RIC8B: variants seen among roughly 807,000 people sequenced by gnomAD.
RIC8B encodes the protein chaperone Ric-8B.
A neutral mutation model predicts 57.5 loss-of-function variants in RIC8B; 16 were observed. That is an observed-to-expected ratio of 0.28 (90% CI 0.19 to 0.42). RIC8B has a LOEUF of 0.42. Among genes scored for constraint, RIC8B ranks in the 10% least tolerant of loss-of-function variants. The pLI is 1.00. For missense variants in RIC8B, 481 were observed against 677.0 expected, an observed-to-expected ratio of 0.71 and a Z score of 3.21; for synonymous variants, 216 against 250.8, an observed-to-expected ratio of 0.86 and a Z score of 1.31.
chr12:106,872,660 ACT>A (rs1174545013), intron 9 of RIC8B, among the ~76,000 whole-genome samples: 3 of 128,668 alleles, frequency 2.3e-5, no homozygotes, highest in East Asian at 4.4e-4. Flanking sequence ...CAAGAGCAAA[ACT>A]CTGTCTCAAA....
At chr12:106,845,480 C>T (rs1470349853) in intron 6 of RIC8B, among the ~76,000 whole-genome samples, 1 of 152,162 alleles carries the variant, frequency 6.6e-6, no homozygotes, top group Non-Finnish European at 1.5e-5. Context: ...CCCTTGTATT[C>T]CCATCTGTCA....
intron 4 of RIC8B, among the ~76,000 whole-genome samples, chr12:106,839,999 G>C (rs1303530398): frequency 6.6e-6 from 1 of 152,134 alleles, no homozygotes; most frequent in Non-Finnish European, 1.5e-5. Flanking sequence ...GCCTGGGCAA[G>C]AGACTCTATC....
chr12:106,870,265 A>T (rs1461536952), intron 8 of RIC8B, among the ~76,000 whole-genome samples: 1 of 152,144 alleles, frequency 6.6e-6, no homozygotes, highest in Non-Finnish European at 1.5e-5. Flanking sequence ...GCCAGATCAA[A>T]CCTAATTAAA....
At chr12:106,806,337 C>G (rs552671600) in intron 2 of RIC8B, among the ~76,000 whole-genome samples, 4 of 152,284 alleles carry the variant, frequency 2.6e-5, no homozygotes, top group African/African-American at 9.6e-5. Flanking sequence ...AAACAGCTGA[C>G]CATTCCCTAC....
At chr12:106,815,433 G>T in intron 3 of RIC8B, 129 bp downstream of exon 3, 1 of 893,580 alleles carries the variant, frequency 1.1e-6, no homozygotes, top group South Asian at 1.7e-5. Context: ...TTAAGCAATT[G>T]TATTACCCAG....
chr12:106,824,839 G>T (rs111385757), intron 3 of RIC8B, among the ~76,000 whole-genome samples: 10 of 150,750 alleles, frequency 6.6e-5, no homozygotes, highest in African/African-American at 2.4e-4. Flanking sequence ...CCTGGAAGGC[G>T]GAGGTTGCGG....
chr12:106,878,476 A>G (rs934594967), intron 9 of RIC8B, among the ~76,000 whole-genome samples: 3 of 152,204 alleles, frequency 2.0e-5, no homozygotes, highest in African/African-American at 7.2e-5. Context: ...TCTCAGGGCT[A>G]TCACAGGCTC....
At chr12:106,858,758 A>G (rs1222249172) in intron 7 of RIC8B, among the ~76,000 whole-genome samples, 1 of 152,030 alleles carries the variant, frequency 6.6e-6, no homozygotes, top group Non-Finnish European at 1.5e-5. Context: ...CTTTTGCACA[A>G]ATTTCACCAG....
chr12:106,887,483 A>ATT lies in RIC8B; in HGVS notation c.*1469_*1470dup, dbSNP rs1951229278. ...CTCTGGCAAAGCAAAAAAATCAGGA[A>ATT]TTACGTCTTAAAGGCCTTTCAGCTG... On this transcript the variant is annotated 3_prime_UTR_variant, in exon 10 of 10. Transcript: ENST00000392837. The ATT allele has an allele frequency of 6.6e-6, 1 of 152,198 alleles. No homozygotes were observed. Among genetic ancestry groups the ATT allele is most frequent in the Non-Finnish European group, 1.5e-5 (1 of 68,030 alleles). 9.4% of individuals were successfully genotyped at this position (152,198 alleles called of 1,614,324 possible).
intron 2 of RIC8B, among the ~76,000 whole-genome samples, chr12:106,796,835 A>G (rs1394287622): frequency 1.3e-5 from 2 of 152,220 alleles, no homozygotes; most frequent in African/African-American, 4.8e-5. Flanking sequence ...AACTCTTACA[A>G]CTCAAAGGCA....
intron 2 of RIC8B, among the ~76,000 whole-genome samples, chr12:106,792,341 C>A (rs1349124332): frequency 6.6e-6 from 1 of 152,132 alleles, no homozygotes; most frequent in Non-Finnish European, 1.5e-5. Context: ...ACAGGACAGC[C>A]CTGACTTAGT....
chr12:106,833,309 T>G (rs529408189), intron 4 of RIC8B, among the ~76,000 whole-genome samples: 50 of 152,180 alleles, frequency 3.3e-4, no homozygotes, highest in Non-Finnish European at 6.0e-4. Context: ...CCACAAACTT[T>G]CAAAATTATC....
intron 1 of RIC8B, among the ~76,000 whole-genome samples, chr12:106,779,107 T>C (rs2043627520): frequency 6.6e-6 from 1 of 152,188 alleles, no homozygotes; most frequent in Non-Finnish European, 1.5e-5. Flanking sequence ...GAGACGGGGT[T>C]TCACCATGTT....
At chr12:106,858,457 T>C (rs1949795812) in intron 7 of RIC8B, among the ~76,000 whole-genome samples, 1 of 152,190 alleles carries the variant, frequency 6.6e-6, no homozygotes, top group South Asian at 2.1e-4. Flanking sequence ...TGTTTGACCT[T>C]CATGAATATT....
rs531900403 is a variant in RIC8B at position 106,866,574 on chromosome 12, A to G, written c.1452-4249A>G. 2.0e-5 allele frequency among the ~76,000 whole-genome samples: 3 copies of G among 152,206 alleles called. No individual in the cohort carries two copies. The South Asian group carries it at 6.2e-4, about 32-fold the overall frequency. ...AAAATGCCCTTTCCTAAAAACCCTG[A>G]TCCCTTTCGTAGGGGTTGCAAATTG... On this transcript the variant is annotated intron_variant, in intron 8 of 9. Transcript: ENST00000392837.
At chr12:106,834,983 CAAAAAAAAAAA>C (rs71072695) in intron 4 of RIC8B, among the ~76,000 whole-genome samples, 4 of 31,280 alleles carry the variant, frequency 1.3e-4, no homozygotes, top group Non-Finnish European at 2.6e-4. Flanking sequence ...GACTCTGTCT[CAAAAAAAAAAA>C]AAAAAAAAAA....
intron 5 of RIC8B, among the ~76,000 whole-genome samples, chr12:106,843,581 G>A (rs1949049326): frequency 6.6e-6 from 1 of 151,810 alleles, no homozygotes; most frequent in Non-Finnish European, 1.5e-5. Flanking sequence ...AATTAGCCAG[G>A]TGTGGTGGTG....
At chr12:106,847,195 G>T (rs372559526) in intron 6 of RIC8B, among the ~76,000 whole-genome samples, 16 of 152,254 alleles carry the variant, frequency 1.1e-4, no homozygotes, top group African/African-American at 3.9e-4. Context: ...ATTTGAAAAA[G>T]AAACTGGACA....
intron 2 of RIC8B, among the ~76,000 whole-genome samples, chr12:106,809,241 G>A (rs2045212034): frequency 6.6e-6 from 1 of 152,072 alleles, no homozygotes; most frequent in Non-Finnish European, 1.5e-5. Flanking sequence ...TTGTGTGGTG[G>A]GACCGGGCAT....
Sources: allele counts gnomAD v4.1 joint callset (sites outside exome capture counted in the v4.1 genomes callset), GRCh38; gene constraint gnomAD v4.1.1; transcripts MANE v1.5; gene names NCBI Gene and HGNC (gene_info 2026-07-23, HGNC 2026-07-21).